The following DPH6 variants were observed in gnomAD, a reference collection of about 807,000 sequenced individuals.
DPH6 encodes diphthamine biosynthesis 6, also known as diphthine--ammonia ligase.
A neutral mutation model predicts 38.2 loss-of-function variants in DPH6; 33 were observed. The ratio of observed to expected loss-of-function variants is 0.86; its 90% confidence interval spans 0.65 to 1.15. DPH6 has a LOEUF of 1.15. Ranked by LOEUF, DPH6 falls within the 50% of genes most tolerant of loss-of-function variation. The pLI, the probability that DPH6 is intolerant of heterozygous loss-of-function variation, is 0.00. For missense variants in DPH6, 325 were observed against 320.0 expected, an observed-to-expected ratio of 1.02 and a Z score of -0.12; for synonymous variants, 108 against 103.0, an observed-to-expected ratio of 1.05 and a Z score of -0.30.
intron 3 of DPH6, among the ~76,000 whole-genome samples, chr15:35,487,619 A>AT (rs1439809385): frequency 6.6e-6 from 1 of 151,884 alleles, no homozygotes; most frequent in Non-Finnish European, 1.5e-5. Flanking sequence ...CCACAAAACC[A>AT]TTTTTCCCTC....
At chr15:35,523,108 C>A (rs1368377098) in intron 3 of DPH6, among the ~76,000 whole-genome samples, 1 of 151,964 alleles carries the variant, frequency 6.6e-6, no homozygotes, top group Non-Finnish European at 1.5e-5. Flanking sequence ...TGCCAAATTA[C>A]CGTCCAGAAA....
At chr15:35,461,536 G>A (rs558878225) in intron 3 of DPH6, among the ~76,000 whole-genome samples, 1 of 151,994 alleles carries the variant, frequency 6.6e-6, no homozygotes, top group Non-Finnish European at 1.5e-5. Context: ...TCAGTCAAGT[G>A]CAGCCTTTGG....
chr15:35,462,854 C>A (rs1028076357), intron 3 of DPH6, among the ~76,000 whole-genome samples: 4 of 152,112 alleles, frequency 2.6e-5, no homozygotes, highest in African/African-American at 9.7e-5. Flanking sequence ...ATATTTATAA[C>A]TGAATGATGT....
chr15:35,366,228 TTGTG>T (rs10525441), downstream of DPH6, among the ~76,000 whole-genome samples: 224 of 143,966 alleles, frequency 1.6e-3, 1 homozygote, highest in Middle Eastern at 0.01. Context: ...TTTAGTCATC[TTGTG>T]TGTGTGTGTG....
chr15:35,502,331 AAAAG>A (rs879299514), intron 3 of DPH6, among the ~76,000 whole-genome samples: 30 of 152,214 alleles, frequency 2.0e-4, no homozygotes, highest in South Asian at 8.3e-4. Context: ...AAAAAAAGAA[AAAAG>A]AAAGAAAGAA....
intron 5 of DPH6, among the ~76,000 whole-genome samples, chr15:35,436,322 T>C (rs7173367): frequency 0.33 from 49,750 of 149,916 alleles, 10,323 homozygotes; most frequent in African/African-American, 0.6. Flanking sequence ...AAAAATTAGC[T>C]GGGCGTGGTG....
At chr15:35,362,096 A>G (rs1374686554) in intron 3 of DPH6, among the ~76,000 whole-genome samples, 1 of 152,148 alleles carries the variant, frequency 6.6e-6, no homozygotes, top group Non-Finnish European at 1.5e-5. Flanking sequence ...GAAGACCTTC[A>G]CCAGTCAACC....
chr15:35,415,300 G>T (rs2053422180), intron 5 of DPH6, among the ~76,000 whole-genome samples: 1 of 151,848 alleles, frequency 6.6e-6, no homozygotes, highest in South Asian at 2.1e-4. Flanking sequence ...CAGCATTAGG[G>T]CATCATTTAA....
chr15:35,400,707 C>A, intron 6 of DPH6: 1 of 696,932 alleles, frequency 1.4e-6, no homozygotes, highest in Non-Finnish European at 2.6e-6. Flanking sequence ...AAGTCAGAGT[C>A]TCCAAAAGGG....
At chr15:35,276,777 C>T (rs1273083102) in intron 3 of DPH6, among the ~76,000 whole-genome samples, 1 of 152,108 alleles carries the variant, frequency 6.6e-6, no homozygotes, top group East Asian at 1.9e-4. Context: ...CTATTCTGTT[C>T]CATTGGTCTA....
intron 3 of DPH6, among the ~76,000 whole-genome samples, chr15:35,510,983 T>C (rs78079498): frequency 2.3e-4 from 35 of 152,294 alleles, no homozygotes; most frequent in Non-Finnish European, 4.0e-4. Context: ...ATTCCTGTTC[T>C]AAATAAATGA....
intron 6 of DPH6, among the ~76,000 whole-genome samples, chr15:35,409,803 C>A (rs1252024432): frequency 2.6e-5 from 4 of 151,860 alleles, no homozygotes; most frequent in Middle Eastern, 3.4e-3. Context: ...TAAATGACAT[C>A]AAATTATCTA....
intron 7 of DPH6, 61 bp from the exon 8 acceptor site, chr15:35,373,669 T>C: frequency 7.4e-7 from 1 of 1,353,872 alleles, no homozygotes; most frequent in South Asian, 1.3e-5. Flanking sequence ...AAATCATTCC[T>C]CCTACTGACT....
At chr15:35,419,525 C>T (rs2053478563) in intron 5 of DPH6, among the ~76,000 whole-genome samples, 1 of 151,996 alleles carries the variant, frequency 6.6e-6, no homozygotes, top group Non-Finnish European at 1.5e-5. Context: ...AAAAAGTGAG[C>T]ACCAAACTAT....
intron 5 of DPH6, among the ~76,000 whole-genome samples, chr15:35,412,931 A>C (rs1190393775): frequency 6.6e-6 from 1 of 151,676 alleles, no homozygotes; most frequent in Non-Finnish European, 1.5e-5. Flanking sequence ...ACATCTGTCG[A>C]AGCCTGTAGA....
At chr15:35,255,091 A>G (rs1453152547) in intron 3 of DPH6, among the ~76,000 whole-genome samples, 2 of 152,208 alleles carry the variant, frequency 1.3e-5, no homozygotes, top group African/African-American at 2.4e-5. Flanking sequence ...GCCTGGGCTC[A>G]GAGGCCTGAC....
intron 3 of DPH6, among the ~76,000 whole-genome samples, chr15:35,350,421 C>G (rs769974989): frequency 6.8e-6 from 1 of 148,096 alleles, no homozygotes; most frequent in Non-Finnish European, 1.5e-5. Flanking sequence ...TGTTTTTATT[C>G]TCTGCTTCAT....
intron 3 of DPH6, among the ~76,000 whole-genome samples, chr15:35,279,084 T>C (rs903186454): frequency 7.0e-6 from 1 of 143,314 alleles, no homozygotes; most frequent in Non-Finnish European, 1.5e-5. Flanking sequence ...TATATATATA[T>C]AATTTTGGAG....
intron 3 of DPH6, among the ~76,000 whole-genome samples, chr15:35,528,536 C>T (rs1266387556): frequency 1.3e-5 from 2 of 152,084 alleles, no homozygotes; most frequent in Admixed American, 6.5e-5. Flanking sequence ...TTTCACCTTT[C>T]CCCTTGGCAT....
Sources: allele counts gnomAD v4.1 joint callset (sites outside exome capture counted in the v4.1 genomes callset), GRCh38; gene constraint gnomAD v4.1.1; transcripts MANE v1.5; gene names NCBI Gene and HGNC (gene_info 2026-07-23, HGNC 2026-07-21).